The following OR6Y1 variants were observed in gnomAD, a reference collection of about 807,000 sequenced individuals.
OR6Y1 encodes olfactory receptor 6Y1.
OR6Y1 carries 1 observed loss-of-function variant against 0.4 expected under a neutral mutation model. The ratio of observed to expected loss-of-function variants is 2.74; its 90% CI spans 0.97 to 13.02. The LOEUF (loss-of-function observed/expected upper bound fraction) is 13.02. Among genes scored for constraint, OR6Y1 ranks in the 30% most tolerant of loss-of-function variants. OR6Y1 has a pLI of 0.12. For synonymous variants in OR6Y1, 173 were observed against 141.1 expected (o/e 1.23, Z -1.60); for missense variants, 480 against 399.8 (o/e 1.20, Z -1.71).
Position 158,545,390 on chromosome 1 carries a change from A to C in OR6Y1, c.*1738T>G, listed in dbSNP as rs1161641809. 3 of 150,848 alleles carry C rather than the reference A, an allele frequency of 2.0e-5. No homozygotes were observed. The highest frequency in any genetic ancestry group is 7.3e-5 in the African/African-American group (3 of 41,110). The allele number at this position is 150,848 out of a possible 1,614,324, so 9.3% of individuals were successfully genotyped here. A position where few individuals can be genotyped will look rare whatever the true frequency, so the allele number is the denominator to read the frequency against. On this transcript the variant is annotated 3_prime_UTR_variant, in exon 2 of 2. Transcript: ENST00000641622. ...ATACCTAATGCTAAATGATGAGTTAATGGGTGCAGCACACCAACATGTCAC... is the reference window on the plus strand; with the variant it reads ...ATACCTAATGCTAAATGATGAGTTACTGGGTGCAGCACACCAACATGTCAC...
Position 158,547,395 on chromosome 1 carries a change from C to G in OR6Y1, c.711G>C (p.Gln237His). ...LATILRIPSAQGRQKAFSTCA... is the reference protein window; with the variant it reads ...LATILRIPSAHGRQKAFSTCA... Reference sequence around the variant, plus strand: ...AGGTGGAGAATGCCTTTTGGCGGCCCTGAGCAGAAGGGATCCTGAGGATGG... The same window carrying G: ...AGGTGGAGAATGCCTTTTGGCGGCCGTGAGCAGAAGGGATCCTGAGGATGG... Residue 237 changes from glutamine to histidine, a missense_variant, in exon 2 of 2, where the codon CAG (glutamine) becomes CAC (histidine). By Grantham distance (24) the Gln-to-His change is conservative. Transcript: ENST00000641622. 6.2e-7 allele frequency: 1 copy of G among 1,613,522 alleles called. No individual in the cohort carries two copies.
intron 1 of OR6Y1, among the ~76,000 whole-genome samples, chr1:158,554,054 C>T (rs1230276560): frequency 2.6e-5 from 4 of 152,116 alleles, no homozygotes; most frequent in African/African-American, 9.7e-5. Flanking sequence ...TACTAAATTC[C>T]TCTCCATCTA....
At chr1:158,549,779 AGCAAG>A (rs1476298644) in intron 1 of OR6Y1, among the ~76,000 whole-genome samples, 5 of 151,720 alleles carry the variant, frequency 3.3e-5, no homozygotes, top group Non-Finnish European at 7.4e-5. Context: ...GGGACTTACA[AGCAAG>A]GCAAGGTTTA....
chr1:158,550,588 A>G (rs906894328), intron 1 of OR6Y1, among the ~76,000 whole-genome samples: 2 of 151,654 alleles, frequency 1.3e-5, no homozygotes, highest in African/African-American at 4.9e-5. Context: ...ATGTATATAT[A>G]GAATTATATT....
chr1:158,547,079 G>C lies in OR6Y1; in HGVS notation c.*49C>G. The C allele has an allele frequency of 6.4e-7, 1 of 1,553,268 alleles. No homozygotes were observed. The highest frequency in any genetic ancestry group is 2.2e-5 in the East Asian group (1 of 44,682). On this transcript the variant is annotated 3_prime_UTR_variant, in exon 2 of 2. Coordinates refer to ENST00000641622, the MANE Select transcript of OR6Y1 (RefSeq NM_001005189.2). ...CAAAGACAAGACTGAGGGGGAAAGT[G>C]TGTAGTGATCATCTCTCAGTTCAAG...
intron 1 of OR6Y1, among the ~76,000 whole-genome samples, chr1:158,553,192 G>T (rs1443375469): frequency 1.3e-5 from 2 of 152,072 alleles, no homozygotes; most frequent in Non-Finnish European, 2.9e-5. Flanking sequence ...ATTTCTATGG[G>T]TCTCACTTGG....
At position 158,549,439 on chromosome 1, in the gene OR6Y1, T is replaced by G. The variant is rs1055057320; in HGVS notation, c.-1334A>C. ...ATGTAGGACAACTAGGGGATGGTTT[T>G]TTTTTTTTTTTAAGGAATGATCATG... On this transcript the variant is annotated 5_prime_UTR_variant, in exon 2 of 2. Transcript: ENST00000641622. The G allele has an allele frequency of 2.0e-5, 3 of 151,260 alleles. No homozygotes were observed. Among genetic ancestry groups the G allele is most frequent in the African/African-American group, 7.4e-5 (3 of 40,738 alleles). The allele number at this position is 151,260 out of a possible 1,614,324, so 9.4% of individuals were successfully genotyped here. A position where few individuals can be genotyped will look rare whatever the true frequency, so the allele number is the denominator to read the frequency against.
Position 158,547,378 on chromosome 1 carries a change from A to G in OR6Y1, c.728T>C (p.Phe243Ser). ...IPSAQGRQKA[F>S]STCASHLTVV... ...GGTCAGGTGGGAGGCACAGGTGGAG[A>G]ATGCCTTTTGGCGGCCCTGAGCAGA... is the stretch of plus-strand genomic sequence containing the variant. The change falls in exon 2 of 2, where the codon TTC becomes TCC. Residue 243 changes from phenylalanine (F) to serine (S), a missense_variant. Transcript: ENST00000641622. 6.2e-7 allele frequency: 1 copy of G among 1,613,556 alleles called. No homozygotes were observed. The highest frequency in any genetic ancestry group is 8.5e-7 in the Non-Finnish European group (1 of 1,179,986).
At position 158,546,547 on chromosome 1, in the gene OR6Y1, TG is replaced by T. The variant is rs1000257304; in HGVS notation, c.*580del. 6.6e-6 allele frequency: 1 copy of T among 152,130 alleles called. No individual in the cohort carries two copies. The highest frequency in any genetic ancestry group is 2.4e-5 in the African/African-American group (1 of 41,436). The allele number at this position is 152,130 out of a possible 1,614,324, so 9.4% of individuals were successfully genotyped here. ...GTCATTTATGTTATTTGGAGGGAAG[TG>T]GGTGGGGACTCCCTATGTTGACCAG... On this transcript the variant is annotated 3_prime_UTR_variant, in exon 2 of 2. Transcript: ENST00000641622.
In OR6Y1 at chr1:158,547,160, C is replaced by A; in HGVS notation, c.946G>T (p.Gly316Trp). The A allele has an allele frequency of 6.2e-7, 1 of 1,613,238 alleles. No homozygotes were observed. Among genetic ancestry groups the A allele is most frequent in the Non-Finnish European group, 8.5e-7 (1 of 1,179,896 alleles). Residue 316 changes from glycine to tryptophan, a missense_variant, in exon 2 of 2, where the codon GGG becomes TGG. Gly to Trp is a radical substitution (Grantham distance 184, BLOSUM62 -2). Coordinates refer to ENST00000641622, the MANE Select transcript of OR6Y1 (RefSeq NM_001005189.2). Reference protein sequence around the residue: ...LRKTIHCRGSGPQGNGAFSS With the variant: ...LRKTIHCRGSWPQGNGAFSS ...CTGAAAGCCCCATTTCCCTGGGGCC[C>A]ACTTCCTCTGCAATGTATGGTCTTT...
rs951720357 is a variant in OR6Y1, at chr1:158,546,863, GTCTC to G, written c.*261_*264del. On this transcript the variant is annotated 3_prime_UTR_variant, in exon 2 of 2. Transcript: ENST00000641622. ...CTCCCTCCTACCACCCACTCTCTCT[GTCTC>G]TCTCTCTGTGTTTCTTCCTGATTTC... 1.7e-5 allele frequency: 5 copies of G among 298,080 alleles called. No individual in the cohort carries two copies. Among genetic ancestry groups the G allele is most frequent in the Non-Finnish European group, 2.5e-5 (4 of 159,926 alleles). The allele number at this position is 298,080 out of a possible 1,614,324, so 18.5% of individuals were successfully genotyped here. A position where few individuals can be genotyped will look rare whatever the true frequency, so the allele number is the denominator to read the frequency against.
At chr1:158,553,161 T>C (rs1647744423) in intron 1 of OR6Y1, among the ~76,000 whole-genome samples, 1 of 152,232 alleles carries the variant, frequency 6.6e-6, no homozygotes, top group South Asian at 2.1e-4. Flanking sequence ...TCCAACTAGG[T>C]CCTTTGGGAA....
chr1:158,544,985 T>C lies in OR6Y1; in HGVS notation c.*2143A>G, dbSNP rs1176347058. 5.9e-5 allele frequency: 9 copies of C among 152,152 alleles called. No homozygotes were observed. Among genetic ancestry groups the C allele is most frequent in the Non-Finnish European group, 1.3e-4 (9 of 68,022 alleles). The allele number at this position is 152,152 out of a possible 1,614,324, so 9.4% of individuals were successfully genotyped here. ...ATGTCTTCGCTATTGTAAATAGTGCTGCAATAAACATACATGTGCATGTGT... is the reference window on the plus strand; with the variant it reads ...ATGTCTTCGCTATTGTAAATAGTGCCGCAATAAACATACATGTGCATGTGT... On this transcript the variant is annotated 3_prime_UTR_variant, in exon 2 of 2. Coordinates refer to ENST00000641622, the MANE Select transcript of OR6Y1 (RefSeq NM_001005189.2).
chr1:158,544,939 A>C lies in OR6Y1; in HGVS notation c.*2189T>G, dbSNP rs995511626. 67 of 151,976 alleles carry C rather than the reference A, an allele frequency of 4.4e-4. No individual in the cohort carries two copies. Among genetic ancestry groups the C allele is most frequent in the African/African-American group, 1.5e-3 (63 of 41,366 alleles). The allele number at this position is 151,976 out of a possible 1,614,324, so 9.4% of individuals were successfully genotyped here. A position where few individuals can be genotyped will look rare whatever the true frequency, so the allele number is the denominator to read the frequency against. ...ATTTTCTTTATCCAGTCTATTATTG[A>C]TGGGCATTGTGGTTGGTTCCATGTC... On this transcript the variant is annotated 3_prime_UTR_variant, in exon 2 of 2. Coordinates refer to ENST00000641622, the MANE Select transcript of OR6Y1 (RefSeq NM_001005189.2).
At position 158,547,391 on chromosome 1, in the gene OR6Y1, G is replaced by A. The variant is rs151318203; in HGVS notation, c.715C>T (p.Arg239Cys). 7.3e-5 allele frequency: 117 copies of A among 1,613,538 alleles called. No homozygotes were observed. Among genetic ancestry groups the A allele is most frequent in the Admixed American group, 2.8e-4 (17 of 59,988 alleles). Residue 239 changes from arginine to cysteine, a missense_variant, in exon 2 of 2, where the codon CGC becomes TGC. Arg to Cys is a radical substitution (Grantham distance 180). Coordinates refer to ENST00000641622, the MANE Select transcript of OR6Y1 (RefSeq NM_001005189.2). ...TILRIPSAQG[R>C]QKAFSTCASH... ...GCACAGGTGGAGAATGCCTTTTGGC[G>A]GCCCTGAGCAGAAGGGATCCTGAGG... is the stretch of plus-strand genomic sequence containing the variant.
At position 158,546,582 on chromosome 1, in the gene OR6Y1, C is replaced by T. The variant is rs1019654854; in HGVS notation, c.*546G>A. On this transcript the variant is annotated 3_prime_UTR_variant, in exon 2 of 2. Transcript: ENST00000641622. ...CTCCCTATGTTGACCAGGCTGGGCC[C>T]AAGTTCCTGGACTCAGGGGATCCTC... 1 of 152,284 alleles carries T rather than the reference C, an allele frequency of 6.6e-6. No individual in the cohort carries two copies. The highest frequency in any genetic ancestry group is 2.4e-5 in the African/African-American group (1 of 41,406). 9.4% of individuals were successfully genotyped at this position (152,284 alleles called of 1,614,324 possible).
chr1:158,551,743 TACAC>T (rs144175888), intron 1 of OR6Y1, among the ~76,000 whole-genome samples: 101 of 139,598 alleles, frequency 7.2e-4, no homozygotes, highest in South Asian at 1.5e-3. Context: ...TTGTAGTGAT[TACAC>T]ACACACACAC....
chr1:158,553,137 G>T (rs1202453702), intron 1 of OR6Y1, among the ~76,000 whole-genome samples: 1 of 152,112 alleles, frequency 6.6e-6, no homozygotes, highest in African/African-American at 2.4e-5. Flanking sequence ...CTTGTATTTT[G>T]AAATAATTTA....
At chr1:158,552,090 G>A (rs1404411993) in intron 1 of OR6Y1, among the ~76,000 whole-genome samples, 2 of 151,940 alleles carry the variant, frequency 1.3e-5, no homozygotes, top group African/African-American at 4.8e-5. Flanking sequence ...GTTCTCAAAG[G>A]ATAGACTTCA....
Sources: gnomAD v4.1 joint callset for allele counts (sites outside exome capture counted in the v4.1 genomes callset) on GRCh38, gnomAD v4.1.1 for gene constraint, MANE v1.5 for transcripts, NCBI Gene and HGNC (gene_info 2026-07-23, HGNC 2026-07-21) for gene names.